The following ATXN7L1 variants were observed in gnomAD, a reference collection of about 807,000 sequenced individuals.
ATXN7L1 encodes ataxin 7 like 1, also known as ataxin-7-like protein 1.
A neutral mutation model predicts 70.8 loss-of-function variants in ATXN7L1; 15 were observed. That is an observed-to-expected ratio of 0.21 (90% CI 0.14 to 0.33). The LOEUF is 0.33. Among genes scored for constraint, ATXN7L1 ranks in the 10% least tolerant of loss-of-function variants. ATXN7L1 has a pLI of 1.00. For missense variants in ATXN7L1, 975 were observed against 1,097.1 expected (o/e 0.89, Z 1.57); for synonymous variants, 440 against 445.1 (o/e 0.99, Z 0.14).
chr7:105,845,816 A>G (rs1447982215), intron 2 of ATXN7L1, among the ~76,000 whole-genome samples: 1 of 152,176 alleles, frequency 6.6e-6, no homozygotes, highest in East Asian at 1.9e-4. Flanking sequence ...AGTCTCTTTC[A>G]AAAAATGATG....
chr7:105,767,512 A>G (rs1801436846), intron 3 of ATXN7L1, among the ~76,000 whole-genome samples: 1 of 152,192 alleles, frequency 6.6e-6, no homozygotes, highest in Admixed American at 6.5e-5. Context: ...CTTCTCTGCC[A>G]TGTGCTGAAA....
At chr7:105,820,679 G>C (rs1810005447) in intron 2 of ATXN7L1, among the ~76,000 whole-genome samples, 1 of 152,120 alleles carries the variant, frequency 6.6e-6, no homozygotes, top group Admixed American at 6.6e-5. Context: ...CCTTGATATG[G>C]TTTGGATGTG....
At chr7:105,708,346 C>A (rs1793438589) in intron 3 of ATXN7L1, among the ~76,000 whole-genome samples, 1 of 152,192 alleles carries the variant, frequency 6.6e-6, no homozygotes. Flanking sequence ...CTGTGAGGCA[C>A]CCACATTTGG....
intron 3 of ATXN7L1, among the ~76,000 whole-genome samples, chr7:105,675,560 G>C (rs1012574427): frequency 4.6e-5 from 7 of 151,988 alleles, no homozygotes; most frequent in African/African-American, 1.7e-4. Context: ...GGGAGGCAGA[G>C]GTTGCAGTGA....
chr7:105,758,246 T>C (rs2116404173), intron 3 of ATXN7L1, among the ~76,000 whole-genome samples: 1 of 152,312 alleles, frequency 6.6e-6, no homozygotes, highest in Non-Finnish European at 1.5e-5. Context: ...TATCAGGGCC[T>C]TCCATGCTTC....
intron 3 of ATXN7L1, chr7:105,760,675 T>C: frequency 6.8e-6 from 4 of 588,474 alleles, no homozygotes; most frequent in Non-Finnish European, 8.5e-6. Context: ...AATACTTGTT[T>C]TCAACATATA....
chr7:105,631,994 A>G (rs928528214), intron 7 of ATXN7L1, among the ~76,000 whole-genome samples: 4 of 152,190 alleles, frequency 2.6e-5, no homozygotes. Flanking sequence ...GGCCCCAGAG[A>G]AGGCTTCCAG....
intron 3 of ATXN7L1, among the ~76,000 whole-genome samples, chr7:105,775,719 T>C (rs1802631377): frequency 6.6e-6 from 1 of 152,176 alleles, no homozygotes; most frequent in Non-Finnish European, 1.5e-5. Context: ...CTTTGTTTCT[T>C]TGCTCAGACA....
intron 2 of ATXN7L1, among the ~76,000 whole-genome samples, chr7:105,799,790 G>A (rs753469447): frequency 2.6e-5 from 4 of 152,092 alleles, no homozygotes; most frequent in South Asian, 2.1e-4. Context: ...CCTGGGAATC[G>A]GTGTTCAAAG....
chr7:105,731,788 G>GAAAAGAAAAGAA (rs1796599756), intron 3 of ATXN7L1, among the ~76,000 whole-genome samples: 3 of 151,140 alleles, frequency 2.0e-5, no homozygotes, highest in African/African-American at 7.3e-5. Flanking sequence ...GAAAAGAAAA[G>GAAAAGAAAAGAA]AAAAGAAAAG....
chr7:105,805,809 G>A (rs1585047254), intron 2 of ATXN7L1, among the ~76,000 whole-genome samples: 1 of 152,206 alleles, frequency 6.6e-6, no homozygotes, highest in Admixed American at 6.5e-5. Context: ...CTGGCCTGGT[G>A]AGGGTGCCAC....
At chr7:105,659,684 T>C (rs1801272285) in intron 4 of ATXN7L1, among the ~76,000 whole-genome samples, 1 of 152,100 alleles carries the variant, frequency 6.6e-6, no homozygotes, top group Non-Finnish European at 1.5e-5. Flanking sequence ...GACTCCTCTT[T>C]CCCTGTCCCA....
At chr7:105,701,331 TATA>T (rs1170344242) in intron 3 of ATXN7L1, among the ~76,000 whole-genome samples, 4 of 152,226 alleles carry the variant, frequency 2.6e-5, no homozygotes, top group African/African-American at 4.8e-5. Context: ...AAGCAATGTC[TATA>T]ATAAGATTCT....
chr7:105,833,285 T>C (rs1811895516), intron 2 of ATXN7L1, among the ~76,000 whole-genome samples: 1 of 152,152 alleles, frequency 6.6e-6, no homozygotes, highest in South Asian at 2.1e-4. Context: ...ACTATCTCCC[T>C]GCTGCATTAT....
intron 3 of ATXN7L1, among the ~76,000 whole-genome samples, chr7:105,694,834 G>A (rs897527918): frequency 6.6e-6 from 1 of 152,150 alleles, no homozygotes; most frequent in African/African-American, 2.4e-5. Flanking sequence ...AAACTAAAAA[G>A]GCCAATGGAG....
At chr7:105,608,637 G>A (rs1291772787) in intron 11 of ATXN7L1, among the ~76,000 whole-genome samples, 10 of 152,158 alleles carry the variant, frequency 6.6e-5, no homozygotes, top group African/African-American at 2.2e-4. Context: ...CTGACGGCCT[G>A]AGTATAAATG....
In ATXN7L1 at chr7:105,648,106, G is replaced by T. The variant is rs182914908; in HGVS notation, c.579-4985C>A. Among the ~76,000 whole-genome samples the T allele has an allele frequency of 6.0e-4, 91 of 152,330 alleles. 1 individual carries two copies. Among genetic ancestry groups the T allele is most frequent in the Non-Finnish European group, 8.8e-5 (6 of 68,030 alleles). ...CAAAGACCAGGTGAGTTGGTAAGGG[G>T]CTGGGCCACTGAGTGAACACCTCTG... On this transcript the variant is annotated intron_variant, in intron 4 of 11. Transcript: ENST00000419735.
At chr7:105,608,530 C>A (rs144308069) in intron 11 of ATXN7L1, among the ~76,000 whole-genome samples, 4 of 152,178 alleles carry the variant, frequency 2.6e-5, no homozygotes, top group African/African-American at 9.6e-5. Flanking sequence ...GCAGGTGTAC[C>A]CGGAGCTATG....
At chr7:105,844,401 C>T (rs1052991853) in intron 2 of ATXN7L1, among the ~76,000 whole-genome samples, 1 of 152,156 alleles carries the variant, frequency 6.6e-6, no homozygotes, top group Non-Finnish European at 1.5e-5. Flanking sequence ...TGGAATTTAT[C>T]CCAGCAATGC....
Sources: gnomAD v4.1 joint callset for allele counts (sites outside exome capture counted in the v4.1 genomes callset) on GRCh38, gnomAD v4.1.1 for gene constraint, MANE v1.5 for transcripts, NCBI Gene and HGNC (gene_info 2026-07-23, HGNC 2026-07-21) for gene names.